The following CTNND1 variants were observed in gnomAD, a reference collection of about 807,000 sequenced individuals.
CTNND1 encodes the protein catenin delta 1, also known as catenin delta-1.
A neutral mutation model predicts 112.1 loss-of-function variants in CTNND1; 16 were observed. The observed-to-expected ratio is 0.14, with a 90% CI of 0.10 to 0.22. The LOEUF (loss-of-function observed/expected upper bound fraction) is 0.22, where lower values mean the gene tolerates loss of function less well. CTNND1 is among the 10% of genes least tolerant of loss of function. CTNND1 has a pLI of 1.00. For missense variants in CTNND1, 1,008 were observed against 1,257.0 expected (o/e 0.80, Z 3.00); for synonymous variants, 420 against 446.5 (o/e 0.94, Z 0.75).
chr11:57,761,877 G>C lies in CTNND1; in HGVS notation c.-456G>C. ...TCCATTTTAGGTGTTGGATCTGAGG[G>C]GGAAAAAAAAGAGAGAGGGAGAGAG... is the stretch of plus-strand genomic sequence containing the variant. On this transcript the variant is annotated 5_prime_UTR_variant, in exon 1 of 21. Transcript: ENST00000399050. 1.0e-6 allele frequency: 1 copy of C among 984,990 alleles called. No individual in the cohort carries two copies. Among genetic ancestry groups the C allele is most frequent in the Non-Finnish European group, 1.2e-6 (1 of 829,860 alleles). The allele number at this position is 984,990 out of a possible 1,614,324, so 61.0% of individuals were successfully genotyped here.
At chr11:57,792,667 A>T (rs2136741944) in intron 3 of CTNND1, among the ~76,000 whole-genome samples, 1 of 152,186 alleles carries the variant, frequency 6.6e-6, no homozygotes, top group South Asian at 2.1e-4. Flanking sequence ...AGTAGCTGGG[A>T]CTACAGGCGT....
intron 18 of CTNND1, 95 bp downstream of exon 18, chr11:57,814,468 C>G: frequency 3.6e-6 from 3 of 844,010 alleles, no homozygotes; most frequent in Middle Eastern, 2.2e-4. Flanking sequence ...ATACCCTTAC[C>G]ATTTACCATC....
In CTNND1 at chr11:57,816,371, T is replaced by A. The variant is rs1276911141; in HGVS notation, c.*63T>A. Reference sequence around the variant, plus strand: ...TTTATTTTTTGGTGGTGAAATTGACTGATGATTTTCCTTTTTCTTCGCTGG... The same window carrying A: ...TTTATTTTTTGGTGGTGAAATTGACAGATGATTTTCCTTTTTCTTCGCTGG... On this transcript the variant is annotated 3_prime_UTR_variant, in exon 21 of 21. Coordinates refer to ENST00000399050, the MANE Select transcript of CTNND1 (RefSeq NM_001085458.2). 8.7e-6 allele frequency: 14 copies of A among 1,602,536 alleles called. No homozygotes were observed. In the East Asian group the frequency reaches 3.1e-4, roughly 36 times the overall value.
rs1279250512 is a variant in CTNND1 at position 57,818,409 on chromosome 11, A to C, written c.*2101A>C. ...TGTCTTGTTAATGCTTTTAAAAACA[A>C]ATGAGTTTTTTATATAAATAAAGTT... On this transcript the variant is annotated 3_prime_UTR_variant, in exon 21 of 21. Coordinates refer to ENST00000399050, the MANE Select transcript of CTNND1 (RefSeq NM_001085458.2). 1 of 152,256 alleles carries C rather than the reference A, an allele frequency of 6.6e-6. No homozygotes were observed. Among genetic ancestry groups the C allele is most frequent in the African/African-American group, 2.4e-5 (1 of 41,316 alleles). 9.4% of individuals were successfully genotyped at this position (152,256 alleles called of 1,614,324 possible).
In CTNND1 at chr11:57,790,106, G is replaced by C. The variant is rs1391692051; in HGVS notation, c.-95+951G>C. On this transcript the variant is annotated intron_variant, in intron 2 of 20. Transcript: ENST00000399050. ...ATGTATTATTATATTTTTGGAGGCA[G>C]AGTCTCACTCTGTTGTCCAGCCTGG... Among the ~76,000 whole-genome samples, 3 of 152,148 alleles carry C rather than the reference G, an allele frequency of 2.0e-5. No homozygotes were observed. In the East Asian group the frequency reaches 5.8e-4, roughly 29 times the overall value.
rs2062432704 is a variant in CTNND1 at position 57,804,709 on chromosome 11, T to C, written c.1651T>C (p.Cys551Arg). ...TGAAGCTCGCCGGAAACTTCGGGAA[T>C]GTGATGGTTTAGTTGATGCCCTCAT... is the stretch of plus-strand genomic sequence containing the variant. ...RSEARRKLRE[C>R]DGLVDALIFI... Residue 551 changes from cysteine (C) to arginine (R), a missense_variant, in exon 9 of 21, where the codon TGT becomes CGT. Transcript: ENST00000399050. 6.2e-7 allele frequency: 1 copy of C among 1,613,806 alleles called. No individual in the cohort carries two copies. Among genetic ancestry groups the C allele is most frequent in the Admixed American group, 1.7e-5 (1 of 60,000 alleles).
intron 1 of CTNND1, among the ~76,000 whole-genome samples, chr11:57,769,081 C>T (rs1305125934): frequency 1.1e-4 from 17 of 151,046 alleles, no homozygotes; most frequent in East Asian, 3.9e-4. Context: ...CTGAGGCAGG[C>T]GCATCACTTG....
At chr11:57,808,908 C>T (rs1383479032) in intron 14 of CTNND1, among the ~76,000 whole-genome samples, 4 of 152,036 alleles carry the variant, frequency 2.6e-5, no homozygotes, top group African/African-American at 9.7e-5. Context: ...GTTAATGTAG[C>T]TAGTTAGTAG....
At chr11:57,790,431 T>C (rs1036500591) in intron 2 of CTNND1, among the ~76,000 whole-genome samples, 1 of 150,472 alleles carries the variant, frequency 6.6e-6, no homozygotes, top group Non-Finnish European at 1.5e-5. Flanking sequence ...TCGCCCCAGC[T>C]GGAGTGCAAT....
chr11:57,804,466 T>C (rs1406355736), intron 8 of CTNND1, among the ~76,000 whole-genome samples, 197 bp from the exon 9 acceptor site: 2 of 152,244 alleles, frequency 1.3e-5, no homozygotes, highest in Non-Finnish European at 2.9e-5. Context: ...CATTAATCCC[T>C]ACCCCACAGT....
In CTNND1 at chr11:57,809,267, T is replaced by A. The variant is rs746954042; in HGVS notation, c.2243-7T>A. On this transcript the variant is annotated splice_region_variant and splice_polypyrimidine_tract_variant and intron_variant, in intron 14 of 20. Transcript: ENST00000399050. ...CTTTTCTCCCTGCATACATTCTTTC[T>A]TACTAGGTAAACATGCTATTCCTAA... The A allele has an allele frequency of 7.5e-6, 12 of 1,608,462 alleles. No homozygotes were observed. The highest frequency in any genetic ancestry group is 1.0e-5 in the Non-Finnish European group (12 of 1,175,484).
At chr11:57,782,653 G>T (rs1221165561) in intron 1 of CTNND1, among the ~76,000 whole-genome samples, 2 of 152,146 alleles carry the variant, frequency 1.3e-5, no homozygotes, top group African/African-American at 4.8e-5. Flanking sequence ...CACCATTTAG[G>T]TTATAGTTCA....
intron 3 of CTNND1, among the ~76,000 whole-genome samples, chr11:57,792,434 TGCGCGCGCACTC>T (rs1297657854): frequency 6.6e-6 from 1 of 152,228 alleles, no homozygotes; most frequent in Non-Finnish European, 1.5e-5. Flanking sequence ...TGTGCGTGTG[TGCGCGCGCACTC>T]GCGCATGTGT....
In CTNND1 at chr11:57,788,908, G is replaced by A. The variant is rs1005816498; in HGVS notation, c.-213-129G>A. On this transcript the variant is annotated intron_variant, in intron 1 of 20. Coordinates refer to ENST00000399050, the MANE Select transcript of CTNND1 (RefSeq NM_001085458.2). This position sits in a 1 kb window ranked among gnomAD's most constrained non-coding sequence, Gnocchi z 4.1. The stretch of plus-strand genomic sequence containing the variant: ...GTCTAAAGGGCACTTGTCACATTAA[G>A]CAATTCCAAGTCATATTTTAAATTA... The A allele has an allele frequency of 1.4e-6, 1 of 724,368 alleles. No homozygotes were observed. The highest frequency in any genetic ancestry group is 1.6e-5 in the South Asian group (1 of 60,744). 44.9% of individuals were successfully genotyped at this position (724,368 alleles called of 1,614,324 possible). A position where few individuals can be genotyped will look rare whatever the true frequency, so the allele number is the denominator to read the frequency against.
chr11:57,815,219 C>T (rs1233676551), intron 18 of CTNND1, among the ~76,000 whole-genome samples, 175 bp from the exon 19 acceptor site: 2 of 152,170 alleles, frequency 1.3e-5, no homozygotes, highest in Non-Finnish European at 2.9e-5. Flanking sequence ...TGAGCCACCA[C>T]GGTCAGCCAG....
Position 57,817,592 on chromosome 11 carries a change from T to G in CTNND1, c.*1284T>G, listed in dbSNP as rs2057425897. On this transcript the variant is annotated 3_prime_UTR_variant, in exon 21 of 21. Transcript: ENST00000399050. ...CATGATTTCAGTCATAGCAAGCTTT[T>G]GCTCAACAGCATATGGGTGGGATTT... 1 of 152,670 alleles carries G rather than the reference T, an allele frequency of 6.6e-6. No individual in the cohort carries two copies. The highest frequency in any genetic ancestry group is 1.5e-5 in the Non-Finnish European group (1 of 68,048). The allele number at this position is 152,670 out of a possible 1,614,324, so 9.5% of individuals were successfully genotyped here.
intron 1 of CTNND1, among the ~76,000 whole-genome samples, chr11:57,777,993 G>A (rs1211599153): frequency 6.6e-6 from 1 of 152,168 alleles, no homozygotes; most frequent in African/African-American, 2.4e-5. Context: ...TATTAGGAGA[G>A]GAGGCTTTCT....
At chr11:57,769,729 G>A (rs534147930) in intron 1 of CTNND1, among the ~76,000 whole-genome samples, 1 of 151,342 alleles carries the variant, frequency 6.6e-6, no homozygotes, top group African/African-American at 2.4e-5. Flanking sequence ...ACGTATTTCT[G>A]TTTCTTGTAC....
intron 3 of CTNND1, among the ~76,000 whole-genome samples, chr11:57,792,948 T>G (rs2060932936): frequency 6.6e-6 from 1 of 151,942 alleles, no homozygotes; most frequent in Non-Finnish European, 1.5e-5. Flanking sequence ...GCAGCATGCT[T>G]GCAGTGTTCC....
Sources: gnomAD v4.1 joint callset for allele counts (sites outside exome capture counted in the v4.1 genomes callset) on GRCh38, gnomAD v4.1.1 for gene constraint, Gnocchi (gnomAD v3.1) non-coding constraint, MANE v1.5 for transcripts, NCBI Gene and HGNC (gene_info 2026-07-23, HGNC 2026-07-21) for gene names.